DHCR24: variants seen among roughly 807,000 people sequenced by gnomAD.
DHCR24 encodes delta(24)-sterol reductase.
In DHCR24, 28 loss-of-function variants were observed where a neutral mutation model predicts 61.2. The ratio of observed to expected loss-of-function variants is 0.46; its 90% confidence interval spans 0.34 to 0.63. The LOEUF is 0.63. DHCR24 is among the 20% of genes least tolerant of loss of function. The pLI is 0.01. For missense variants in DHCR24, 538 were observed against 679.1 expected (o/e 0.79, Z 2.31); for synonymous variants, 261 against 275.9 (o/e 0.95, Z 0.54).
intron 6 of DHCR24, among the ~76,000 whole-genome samples, chr1:54,861,413 C>T (rs1646937629): frequency 1.3e-5 from 2 of 152,178 alleles, no homozygotes; most frequent in South Asian, 4.1e-4. Context: ...TTCACAGTCT[C>T]CATAGCTTCC....
At chr1:54,886,586 T>A in intron 1 of DHCR24, 1 of 1,413,666 alleles carries the variant, frequency 7.1e-7, no homozygotes, top group South Asian at 1.2e-5. Flanking sequence ...AGCCTTTCCT[T>A]CTCTGAAATG....
chr1:54,880,626 G>A (rs1647058982), intron 2 of DHCR24, among the ~76,000 whole-genome samples: 1 of 152,034 alleles, frequency 6.6e-6, no homozygotes, highest in African/African-American at 2.4e-5. Flanking sequence ...TTAACCAGGT[G>A]TGGTGGTGTG....
Position 54,853,604 on chromosome 1 carries a change from GGGGTAGACCT to G in DHCR24, c.1219-2_1226del. On this transcript the variant is annotated splice_acceptor_variant and coding_sequence_variant, in exon 8 of 9. Coordinates refer to ENST00000371269, the MANE Select transcript of DHCR24 (RefSeq NM_014762.4). LOFTEE classifies it high-confidence loss of function. Reference sequence around the variant, plus strand: ...GCAGGATGAACGGACACAGCCAGATGGGGTAGACCTGGGTAGACCAGGGAGGTGGGTATTG... The same window carrying G: ...GCAGGATGAACGGACACAGCCAGATGGGGTAGACCAGGGAGGTGGGTATTG... 1 of 1,613,710 alleles carries G rather than the reference GGGGTAGACCT, an allele frequency of 6.2e-7. No homozygotes were observed. Among genetic ancestry groups the G allele is most frequent in the Non-Finnish European group, 8.5e-7 (1 of 1,179,890 alleles).
At chr1:54,859,289 C>T (rs1570182844) in intron 6 of DHCR24, among the ~76,000 whole-genome samples, 1 of 150,478 alleles carries the variant, frequency 6.6e-6, no homozygotes. Flanking sequence ...TAGCCCACAG[C>T]ATGAGAGTCC....
At chr1:54,864,832 C>T (rs1413398844) in intron 6 of DHCR24, among the ~76,000 whole-genome samples, 1 of 152,144 alleles carries the variant, frequency 6.6e-6, no homozygotes, top group African/African-American at 2.4e-5. Context: ...GACCTTCCCC[C>T]ACTTAAAGTG....
intron 2 of DHCR24, among the ~76,000 whole-genome samples, chr1:54,876,927 A>G (rs944643618): frequency 4.0e-5 from 6 of 151,812 alleles, no homozygotes; most frequent in African/African-American, 1.5e-4. Context: ...GACAGAACAC[A>G]TCAATCAATA....
intron 6 of DHCR24, among the ~76,000 whole-genome samples, chr1:54,855,741 T>C (rs1013001555): frequency 2.0e-5 from 3 of 152,368 alleles, no homozygotes; most frequent in South Asian, 4.1e-4. Flanking sequence ...TGTTAGATCC[T>C]GCGCCTTTGC....
chr1:54,879,352 A>AAAAAAAAAGAAAAAAAAAAAG (rs573285056), intron 2 of DHCR24, among the ~76,000 whole-genome samples: 1 of 128,162 alleles, frequency 7.8e-6, no homozygotes, highest in Non-Finnish European at 1.6e-5. Context: ...AAAAAAAAAA[A>AAAAAAAAAGAAAAAAAAAAAG]TCCAAATCAA....
Position 54,853,514 on chromosome 1 carries a change from T to G in DHCR24, c.1317A>C (p.Ala439=). The change falls in exon 8 of 9, where the codon GCA becomes GCC. Residue 439 remains alanine (A), a synonymous_variant. Transcript: ENST00000371269. The stretch of plus-strand genomic sequence containing the variant: ...AGTGTTTCACACGCGGCTCCCCATA[T>G]GCTCCAATGTCGATGTAGAGCTCTG... The part of the protein sequence containing the change: ...NEAELYIDIG[A]YGEPRVKHFE... 6.2e-7 allele frequency: 1 copy of G among 1,614,244 alleles called. No individual in the cohort carries two copies. The highest frequency in any genetic ancestry group is 8.5e-7 in the Non-Finnish European group (1 of 1,180,050).
chr1:54,882,149 G>A (rs1647066905), intron 2 of DHCR24, among the ~76,000 whole-genome samples: 1 of 149,904 alleles, frequency 6.7e-6, no homozygotes, highest in Non-Finnish European at 1.5e-5. Context: ...AAAAAAAGAT[G>A]TTTCCAGAAT....
intron 6 of DHCR24, among the ~76,000 whole-genome samples, chr1:54,862,810 T>C (rs677036): frequency 1 from 152,184 of 152,200 alleles, 76,084 homozygotes; most frequent in Non-Finnish European, 1. Flanking sequence ...GGTGCGGTGG[T>C]TCACGCCTGT....
chr1:54,886,476 G>A (rs1488267694), intron 1 of DHCR24: 1 of 717,698 alleles, frequency 1.4e-6, no homozygotes, highest in African/African-American at 1.8e-5. Flanking sequence ...TGCACTTGTC[G>A]GCTTCCCAGC....
At chr1:54,874,164 G>C (rs755893215) in intron 4 of DHCR24, among the ~76,000 whole-genome samples, 9 of 152,128 alleles carry the variant, frequency 5.9e-5, no homozygotes, top group Non-Finnish European at 8.8e-5. Context: ...ATTTATTATT[G>C]AAGAAAGAAA....
chr1:54,874,978 C>G (rs1647018646), intron 4 of DHCR24, 115 bp downstream of exon 4: 1 of 918,212 alleles, frequency 1.1e-6, no homozygotes, highest in Admixed American at 1.7e-5. Flanking sequence ...CAGATATAGA[C>G]CCAGACTGAA....
At chr1:54,854,282 G>A in intron 6 of DHCR24, 48 bp from the exon 7 acceptor site, 2 of 1,554,314 alleles carry the variant, frequency 1.3e-6, no homozygotes, top group Non-Finnish European at 1.8e-6. Context: ...AACAAGGGTT[G>A]AATGTCTCCA....
At chr1:54,879,884 C>T (rs1199127857) in intron 2 of DHCR24, among the ~76,000 whole-genome samples, 1 of 151,844 alleles carries the variant, frequency 6.6e-6, no homozygotes, top group Non-Finnish European at 1.5e-5. Context: ...TAGCACTAAA[C>T]ATTTATATTA....
Position 54,852,363 on chromosome 1 carries a change from C to T in DHCR24, c.1421G>A (p.Cys474Tyr). The T allele has an allele frequency of 3.1e-6, 5 of 1,614,140 alleles. No individual in the cohort carries two copies. The highest frequency in any genetic ancestry group is 4.2e-6 in the Non-Finnish European group (5 of 1,180,048). Reference protein sequence around the residue: ...VHGFQMLYADCYMNREEFWEM... With the variant: ...VHGFQMLYADYYMNREEFWEM... ...CCAGAACTCCTCCCGGTTCATGTAG[C>T]AGTCGGCATACAGCATCTGGAAGCT... is the stretch of plus-strand genomic sequence containing the variant. The change falls in exon 9 of 9, where the codon TGC becomes TAC. Residue 474 changes from cysteine (C) to tyrosine (Y), a missense_variant. Cys to Tyr is a radical substitution (Grantham distance 194). Transcript: ENST00000371269.
At chr1:54,855,495 C>T (rs1353525572) in intron 6 of DHCR24, among the ~76,000 whole-genome samples, 1 of 152,046 alleles carries the variant, frequency 6.6e-6, no homozygotes, top group Non-Finnish European at 1.5e-5. Context: ...GGTCTCTGTC[C>T]TTAAGACACC....
chr1:54,867,515 T>G (rs1237990371), intron 5 of DHCR24, among the ~76,000 whole-genome samples: 1 of 151,856 alleles, frequency 6.6e-6, no homozygotes, highest in Non-Finnish European at 1.5e-5. Flanking sequence ...CCTTGGGAAA[T>G]AAGGGAATCA....
Sources: gnomAD v4.1 joint callset for allele counts (sites outside exome capture counted in the v4.1 genomes callset) on GRCh38, gnomAD v4.1.1 for gene constraint, MANE v1.5 for transcripts, NCBI Gene and HGNC (gene_info 2026-07-23, HGNC 2026-07-21) for gene names.